The following FAT3 variants were observed in gnomAD, a reference collection of about 807,000 sequenced individuals.
The protein encoded by FAT3 is FAT atypical cadherin 3, also known as protocadherin Fat 3.
In FAT3, 95 loss-of-function variants were observed where a neutral mutation model predicts 310.2. The observed-to-expected ratio is 0.31, with a 90% CI of 0.26 to 0.36. The LOEUF (loss-of-function observed/expected upper bound fraction) is 0.36. FAT3 is among the 10% of genes least tolerant of loss of function. FAT3 has a pLI of 1.00. For synonymous variants in FAT3, 2,314 were observed against 2,192.9 expected, an observed-to-expected ratio of 1.06 and a Z score of -1.54; for missense variants, 5,408 against 5,715.6, an observed-to-expected ratio of 0.95 and a Z score of 1.74.
At chr11:92,648,925 A>T (rs1468515437) in intron 3 of FAT3, among the ~76,000 whole-genome samples, 1 of 152,144 alleles carries the variant, frequency 6.6e-6, no homozygotes, top group Non-Finnish European at 1.5e-5. Flanking sequence ...CTTCCTCCAG[A>T]ACTGAACACT....
At chr11:92,876,376 G>C (rs1949535441) in intron 22 of FAT3, among the ~76,000 whole-genome samples, 1 of 152,138 alleles carries the variant, frequency 6.6e-6, no homozygotes, top group Non-Finnish European at 1.5e-5. Flanking sequence ...CTCTATTAAA[G>C]TGAGCAATTT....
intron 3 of FAT3, among the ~76,000 whole-genome samples, chr11:92,647,897 C>T (rs1288720480): frequency 2.0e-5 from 3 of 151,994 alleles, no homozygotes; most frequent in Non-Finnish European, 4.4e-5. Context: ...AATTATCAAG[C>T]AGAATATGTG....
intron 2 of FAT3, among the ~76,000 whole-genome samples, chr11:92,512,624 T>C (rs901729990): frequency 2.0e-5 from 3 of 147,450 alleles, no homozygotes; most frequent in Admixed American, 6.8e-5. Flanking sequence ...TTAAAATATA[T>C]ATATTTAAAA....
intron 2 of FAT3, among the ~76,000 whole-genome samples, chr11:92,363,369 G>T (rs1234794076): frequency 6.6e-6 from 1 of 152,132 alleles, no homozygotes; most frequent in Non-Finnish European, 1.5e-5. Context: ...CTTCAGCCCA[G>T]ATATTTAAAA....
chr11:92,275,253 T>G (rs1301382369), intron 1 of FAT3, among the ~76,000 whole-genome samples: 1 of 152,024 alleles, frequency 6.6e-6, no homozygotes, highest in Non-Finnish European at 1.5e-5. Flanking sequence ...GACGTTTATC[T>G]CTCTTTTCTT....
chr11:92,704,048 A>G (rs1049831384), intron 4 of FAT3, among the ~76,000 whole-genome samples: 2 of 152,240 alleles, frequency 1.3e-5, no homozygotes, highest in African/African-American at 4.8e-5. Flanking sequence ...TATGGAACAA[A>G]TATGGCTACC....
At chr11:92,837,591 A>T (rs1948438776) in intron 16 of FAT3, 72 bp from the exon 17 acceptor site, 2 of 1,553,640 alleles carry the variant, frequency 1.3e-6, no homozygotes, top group Non-Finnish European at 8.8e-7. Context: ...CTGTAGCTCC[A>T]GTTCCTCTGT....
chr11:92,510,388 A>T lies in FAT3; in HGVS notation c.3293-14246A>T, dbSNP rs539837540. Among the ~76,000 whole-genome samples, 13 of 152,230 alleles carry T rather than the reference A, an allele frequency of 8.5e-5. 1 individual carries two copies. The South Asian group carries it at 2.3e-3, about 27-fold the overall frequency. The stretch of plus-strand genomic sequence containing the variant: ...CAAATTAGCACCCACCAGAGAAAGG[A>T]TTTGAGGCTGGGAATCATCTAAGTT... On this transcript the variant is annotated intron_variant, in intron 2 of 27. Coordinates refer to ENST00000525166, the MANE Select transcript of FAT3 (RefSeq NM_001367949.2).
chr11:92,716,284 A>G (rs1191818996), intron 4 of FAT3, among the ~76,000 whole-genome samples: 1 of 152,178 alleles, frequency 6.6e-6, no homozygotes, highest in African/African-American at 2.4e-5. Flanking sequence ...AGTAGCAGGC[A>G]TGTATAGACA....
intron 1 of FAT3, among the ~76,000 whole-genome samples, chr11:92,337,193 A>T (rs1948110246): frequency 6.6e-6 from 1 of 152,214 alleles, no homozygotes; most frequent in Non-Finnish European, 1.5e-5. Context: ...ACTGTTTCCC[A>T]ATTCAACAAA....
intron 2 of FAT3, among the ~76,000 whole-genome samples, chr11:92,485,862 C>A (rs906570330): frequency 6.6e-6 from 1 of 152,080 alleles, no homozygotes; most frequent in East Asian, 1.9e-4. Flanking sequence ...GATTGGGCAA[C>A]TGGGTAATTT....
At chr11:92,824,412 T>C (rs976381335) in intron 13 of FAT3, among the ~76,000 whole-genome samples, 5 of 152,142 alleles carry the variant, frequency 3.3e-5, no homozygotes, top group Non-Finnish European at 7.4e-5. Context: ...TTTAAATAAC[T>C]TTATAATGAG....
At chr11:92,728,511 G>A (rs1025154701) in intron 4 of FAT3, among the ~76,000 whole-genome samples, 2 of 152,064 alleles carry the variant, frequency 1.3e-5, no homozygotes, top group African/African-American at 4.8e-5. Flanking sequence ...GGTTTTGGTG[G>A]GGTTTTTTGT....
chr11:92,597,329 C>T (rs1298550629), intron 3 of FAT3, among the ~76,000 whole-genome samples: 1 of 152,294 alleles, frequency 6.6e-6, no homozygotes, highest in Non-Finnish European at 1.5e-5. Flanking sequence ...ACCCATAGGA[C>T]ATCATTATTC....
intron 1 of FAT3, among the ~76,000 whole-genome samples, chr11:92,285,304 G>C (rs1217567904): frequency 6.6e-6 from 1 of 152,040 alleles, no homozygotes; most frequent in Non-Finnish European, 1.5e-5. Flanking sequence ...ACATACAATT[G>C]CATGTACATC....
intron 3 of FAT3, among the ~76,000 whole-genome samples, chr11:92,530,577 G>A (rs914537187): frequency 6.7e-6 from 1 of 149,764 alleles, no homozygotes; most frequent in African/African-American, 2.5e-5. Context: ...GGATTCCTAA[G>A]ACTTGTAGTT....
In FAT3 at chr11:92,588,717, T is replaced by A. The variant is rs370433733; in HGVS notation, c.3607+63769T>A. ...TAGACATCAGCCAGATGGGTTTGGG[T>A]GGAGAGAAGGTAGCCAAAGATCTAC... On this transcript the variant is annotated intron_variant, in intron 3 of 27. Transcript: ENST00000525166. Among the ~76,000 whole-genome samples, 4 of 148,330 alleles carry A rather than the reference T, an allele frequency of 2.7e-5. No individual in the cohort carries two copies. The South Asian group carries it at 8.4e-4, about 31-fold the overall frequency.
intron 2 of FAT3, among the ~76,000 whole-genome samples, chr11:92,356,437 A>G (rs1011900404): frequency 1.7e-4 from 26 of 152,172 alleles, no homozygotes; most frequent in African/African-American, 6.0e-4. Flanking sequence ...GCAAAATACC[A>G]CAGACTAGGT....
rs1053659174 is a variant in FAT3, at chr11:92,868,059, C to T, written c.12127+850C>T. On this transcript the variant is annotated intron_variant, in intron 22 of 27. Coordinates refer to ENST00000525166, the MANE Select transcript of FAT3 (RefSeq NM_001367949.2). ...ATGTAAACTAGGTCAGACATGCTCC[C>T]GGTTGAAGGCTTGCCACCTCGCAAC... Among the ~76,000 whole-genome samples, 12 of 152,284 alleles carry T rather than the reference C, an allele frequency of 7.9e-5. No individual in the cohort carries two copies. The East Asian group carries it at 9.7e-4, about 12-fold the overall frequency.
Sources: allele counts gnomAD v4.1 joint callset (sites outside exome capture counted in the v4.1 genomes callset), GRCh38; gene constraint gnomAD v4.1.1; transcripts MANE v1.5; gene names NCBI Gene and HGNC (gene_info 2026-07-23, HGNC 2026-07-21).